Variants in UBASH3B observed in about 807,000 individuals in gnomAD.
The protein encoded by UBASH3B is ubiquitin associated and SH3 domain containing B.
In UBASH3B, 37 loss-of-function variants were observed where a neutral mutation model predicts 83.4. That is an observed-to-expected ratio of 0.44 (90% confidence interval 0.34 to 0.58). The LOEUF (loss-of-function observed/expected upper bound fraction) is 0.58. Among genes scored for constraint, UBASH3B ranks in the 20% least tolerant of loss-of-function variants. The pLI, the probability that UBASH3B is intolerant of heterozygous loss-of-function variation, is 0.01. For synonymous variants in UBASH3B, 304 were observed against 318.3 expected (o/e 0.96, Z 0.48); for missense variants, 657 against 827.2 (o/e 0.79, Z 2.52).
At chr11:122,791,083 G>A (rs543051452) in intron 6 of UBASH3B, among the ~76,000 whole-genome samples, 70 of 152,348 alleles carry the variant, frequency 4.6e-4, no homozygotes, top group Admixed American at 4.6e-4. Flanking sequence ...CGGTCAGTGC[G>A]TCCCAGGGAG....
chr11:122,721,202 G>A (rs74865986), intron 1 of UBASH3B, among the ~76,000 whole-genome samples: 3,345 of 148,706 alleles, frequency 0.022, 106 homozygotes, highest in East Asian at 0.18. Flanking sequence ...CCAAGATCGC[G>A]GCACTGCACT....
chr11:122,751,116 C>T, intron 1 of UBASH3B, among the ~76,000 whole-genome samples: 1 of 151,800 alleles, frequency 6.6e-6, no homozygotes, highest in East Asian at 1.9e-4. Flanking sequence ...CCCGGCCTCT[C>T]ATGTTTTGGG....
At position 122,789,140 on chromosome 11, in the gene UBASH3B, A is replaced by G. The variant is rs1466751889; in HGVS notation, c.812A>G (p.Asp271Gly). 2 of 1,613,972 alleles carry G rather than the reference A, an allele frequency of 1.2e-6. No homozygotes were observed. The highest frequency in any genetic ancestry group is 3.3e-5 in the Admixed American group (2 of 60,026). The change falls in exon 6 of 14, where the codon GAT becomes GGT. Residue 271 changes from aspartate (D) to glycine (G), a missense_variant. Coordinates refer to ENST00000284273, the MANE Select transcript of UBASH3B (RefSeq NM_032873.5). The stretch of plus-strand genomic sequence containing the variant: ...TACCCCTATACCCCACAAAATGACG[A>G]TGAGCTGGAGCTGGTCCCCGGGGAC... ...VIYPYTPQND[D>G]ELELVPGDFI...
At chr11:122,684,754 C>A (rs967197748) in intron 1 of UBASH3B, among the ~76,000 whole-genome samples, 2 of 152,088 alleles carry the variant, frequency 1.3e-5, no homozygotes, top group African/African-American at 2.4e-5. Flanking sequence ...TGCACCACCA[C>A]GCCCAGCTAA....
chr11:122,782,834 C>CGTAT (rs1565563634), intron 4 of UBASH3B: 4 of 543,922 alleles, frequency 7.4e-6, no homozygotes, highest in Non-Finnish European at 1.3e-5. Context: ...AGAGGAAAGC[C>CGTAT]GTATGGTGGC....
In UBASH3B at chr11:122,759,292, G is replaced by A. The variant is rs1327158913; in HGVS notation, c.162-16927G>A. The stretch of plus-strand genomic sequence containing the variant: ...TCTTTTCATAGGCAGTCCACAACAT[G>A]CTGCTTCTCCTTGGCCAGCAGGAAA... On this transcript the variant is annotated intron_variant, in intron 1 of 13. Transcript: ENST00000284273. The surrounding 1 kb of genome is among the most constrained non-coding windows in gnomAD (Gnocchi z 4.1). Among the ~76,000 whole-genome samples, 1 of 152,266 alleles carries A rather than the reference G, an allele frequency of 6.6e-6. No homozygotes were observed. Among genetic ancestry groups the A allele is most frequent in the East Asian group, 1.9e-4 (1 of 5,178 alleles).
At chr11:122,687,682 A>G (rs1270658028) in intron 1 of UBASH3B, among the ~76,000 whole-genome samples, 1 of 152,220 alleles carries the variant, frequency 6.6e-6, no homozygotes, top group Non-Finnish European at 1.5e-5. Context: ...TTTGCACAGC[A>G]TCACTCAGTA....
intron 1 of UBASH3B, among the ~76,000 whole-genome samples, chr11:122,750,135 G>T (rs1486308613): frequency 6.6e-6 from 1 of 152,228 alleles, no homozygotes; most frequent in Non-Finnish European, 1.5e-5. Flanking sequence ...CTCAAAGTCA[G>T]ATCCTGTGAC....
chr11:122,721,682 C>T (rs775936967), intron 1 of UBASH3B, among the ~76,000 whole-genome samples: 20 of 152,206 alleles, frequency 1.3e-4, no homozygotes, highest in Admixed American at 3.3e-4. Flanking sequence ...GTGGGAGCTA[C>T]ATTTGTTACT....
At chr11:122,700,245 C>G (rs1864024864) in intron 1 of UBASH3B, among the ~76,000 whole-genome samples, 1 of 152,122 alleles carries the variant, frequency 6.6e-6, no homozygotes, top group Non-Finnish European at 1.5e-5. Flanking sequence ...CACAAAGTCC[C>G]CAGTGCTGAA....
At chr11:122,726,900 A>T (rs1433009013) in intron 1 of UBASH3B, among the ~76,000 whole-genome samples, 1 of 152,232 alleles carries the variant, frequency 6.6e-6, no homozygotes, top group African/African-American at 2.4e-5. Flanking sequence ...AAGTAATTTC[A>T]CATTGATCAA....
At chr11:122,706,177 C>A (rs1020337622) in intron 1 of UBASH3B, among the ~76,000 whole-genome samples, 8 of 139,534 alleles carry the variant, frequency 5.7e-5, no homozygotes, top group African/African-American at 2.2e-4. Context: ...AGTGCAGTTG[C>A]GTGATCTCAG....
At chr11:122,755,327 C>G (rs556626380) in intron 1 of UBASH3B, among the ~76,000 whole-genome samples, 1 of 152,134 alleles carries the variant, frequency 6.6e-6, no homozygotes, top group African/African-American at 2.4e-5. Context: ...CAGAAGGCTC[C>G]GGTAACCCAC....
At chr11:122,801,880 C>T (rs540495337) in intron 11 of UBASH3B, among the ~76,000 whole-genome samples, 1 of 152,140 alleles carries the variant, frequency 6.6e-6, no homozygotes, top group Non-Finnish European at 1.5e-5. Flanking sequence ...CATCATTTTC[C>T]ACATGTCCAG....
Position 122,729,139 on chromosome 11 carries a change from G to A in UBASH3B, c.162-47080G>A, listed in dbSNP as rs146478291. Among the ~76,000 whole-genome samples the A allele has an allele frequency of 5.4e-4, 83 of 152,324 alleles. No homozygotes were observed. The East Asian group carries it at 7.7e-3, about 14-fold the overall frequency. ...TGGCTCAGTGACCTAAATCCTGGGA[G>A]GACTGGGAGGCTCTGGACAGTGGCT... On this transcript the variant is annotated intron_variant, in intron 1 of 13. Coordinates refer to ENST00000284273, the MANE Select transcript of UBASH3B (RefSeq NM_032873.5).
At chr11:122,737,301 G>A (rs1467613280) in intron 1 of UBASH3B, among the ~76,000 whole-genome samples, 1 of 152,198 alleles carries the variant, frequency 6.6e-6, no homozygotes, top group Non-Finnish European at 1.5e-5. Context: ...TGTTAAAGCT[G>A]CCGGAGTTGT....
intron 6 of UBASH3B, among the ~76,000 whole-genome samples, chr11:122,791,465 T>G (rs1489604422): frequency 2.0e-5 from 3 of 152,250 alleles, no homozygotes; most frequent in African/African-American, 7.2e-5. Flanking sequence ...AAATCGCCAT[T>G]TGCATAATGA....
At chr11:122,656,265 C>T (rs982349687) in intron 1 of UBASH3B, 55 bp downstream of exon 1, 2 of 1,316,798 alleles carry the variant, frequency 1.5e-6, no homozygotes, top group African/African-American at 1.5e-5. Flanking sequence ...GCGGCCGGCC[C>T]TCGGCTTCGC....
chr11:122,663,246 G>A (rs1164514735), intron 1 of UBASH3B, among the ~76,000 whole-genome samples: 1 of 152,150 alleles, frequency 6.6e-6, no homozygotes, highest in Non-Finnish European at 1.5e-5. Context: ...CAAAGTGCTG[G>A]GATTACAGGC....
Sources: gnomAD v4.1 joint callset for allele counts (sites outside exome capture counted in the v4.1 genomes callset) on GRCh38, gnomAD v4.1.1 for gene constraint, Gnocchi (gnomAD v3.1) non-coding constraint, MANE v1.5 for transcripts, NCBI Gene and HGNC (gene_info 2026-07-23, HGNC 2026-07-21) for gene names.